The following RFX7 variants were observed in gnomAD, a reference collection of about 807,000 sequenced individuals.
RFX7 encodes the protein DNA-binding protein RFX7.
Under a neutral mutation model 111.8 loss-of-function variants are expected in RFX7, and 26 were observed. The observed-to-expected ratio is 0.23, with a 90% confidence interval of 0.17 to 0.32. The LOEUF (loss-of-function observed/expected upper bound fraction) is 0.32. Among genes scored for constraint, RFX7 ranks in the 10% least tolerant of loss-of-function variants. The pLI is 1.00. For missense variants in RFX7, 1,573 were observed against 1,772.9 expected (o/e 0.89, Z 2.02); for synonymous variants, 624 against 624.4 (o/e 1.00, Z 0.01).
intron 3 of RFX7, among the ~76,000 whole-genome samples, chr15:56,172,041 T>A (rs1017073050): frequency 2.0e-5 from 3 of 152,008 alleles, no homozygotes; most frequent in Non-Finnish European, 2.9e-5. Context: ...TAGTGTGACA[T>A]CTTAAGGAAT....
chr15:56,128,667 A>C (rs1455641421), intron 5 of RFX7, among the ~76,000 whole-genome samples: 1 of 152,052 alleles, frequency 6.6e-6, no homozygotes, highest in African/African-American at 2.4e-5. Context: ...GGGGGTGTCC[A>C]CTCTTACCAT....
chr15:56,104,427 G>C (rs770594078), intron 5 of RFX7, among the ~76,000 whole-genome samples: 14 of 152,196 alleles, frequency 9.2e-5, no homozygotes, highest in Non-Finnish European at 2.1e-4. Context: ...AGGCCTTTGG[G>C]AGAACCACTA....
At chr15:56,114,938 G>A (rs2140949619) in intron 5 of RFX7, among the ~76,000 whole-genome samples, 2 of 152,298 alleles carry the variant, frequency 1.3e-5, no homozygotes, top group South Asian at 4.1e-4. Flanking sequence ...CTTAATCACA[G>A]TAAAAAGTAA....
At position 56,093,595 on chromosome 15, in the gene RFX7, G is replaced by A; in HGVS notation, c.4133C>T (p.Ser1378Phe). 7.4e-6 allele frequency: 12 copies of A among 1,613,766 alleles called. No individual in the cohort carries two copies. The highest frequency in any genetic ancestry group is 9.3e-6 in the Non-Finnish European group (11 of 1,179,760). The change falls in exon 10 of 10, where the codon TCT (serine) becomes TTT (phenylalanine). Residue 1378 changes from serine to phenylalanine, a missense_variant. Transcript: ENST00000559447. ...CAACCTGATATCGCTAGAGAAATCA[G>A]ATGCAGTATTAGTGAGATCAGATGC... The part of the protein sequence containing the change: ...QGASDLTNTA[S>F]DFSSDIRLSS...
intron 3 of RFX7, among the ~76,000 whole-genome samples, chr15:56,158,254 T>C (rs545856633): frequency 4.6e-5 from 7 of 152,190 alleles, no homozygotes; most frequent in Non-Finnish European, 8.8e-5. Context: ...TCATTAGCTT[T>C]GTAATATTAG....
chr15:56,181,094 C>G (rs965623734), intron 2 of RFX7, among the ~76,000 whole-genome samples: 1 of 152,170 alleles, frequency 6.6e-6, no homozygotes, highest in African/African-American at 2.4e-5. Context: ...TCCTTTGCTC[C>G]AAAGTCTTTA....
At chr15:56,200,132 G>A (rs2043179838) in intron 2 of RFX7, among the ~76,000 whole-genome samples, 2 of 152,118 alleles carry the variant, frequency 1.3e-5, no homozygotes. Flanking sequence ...AAAGGTCAGT[G>A]CCCTCTAGTG....
At chr15:56,096,662 C>T (rs1412894821) in intron 9 of RFX7, 42 bp from the exon 10 acceptor site, 1 of 1,499,312 alleles carries the variant, frequency 6.7e-7, no homozygotes, top group Non-Finnish European at 8.9e-7. Context: ...CAGGTCTAGC[C>T]TGTAAATAGT....
rs368258249 is a variant in RFX7, at chr15:56,141,656, A to AATATATATATATATATATATATATATAT, written c.401+1121_401+1122insATATATATATATATATATATATATATAT. Among the ~76,000 whole-genome samples, 512 of 82,836 alleles carry AATATATATATATATATATATATATATAT rather than the reference A, an allele frequency of 6.2e-3. 33 individuals carry two copies. The highest frequency in any genetic ancestry group is 8.7e-3 in the African/African-American group (132 of 15,234). 54.3% of individuals were successfully genotyped at this position (82,836 alleles called of 152,430 possible). On this transcript the variant is annotated intron_variant, in intron 5 of 9. Coordinates refer to ENST00000559447, the MANE Select transcript of RFX7 (RefSeq NM_022841.7). Reference sequence around the variant, plus strand: ...TAATGAAGAATCTATGCTTACTCTAAATATATATATATATATATATGCATA... The same window carrying AATATATATATATATATATATATATATAT: ...TAATGAAGAATCTATGCTTACTCTAAATATATATATATATATATATATATATATATATATATATATATATATATGCATA...
At chr15:56,113,145 T>G (rs552382266) in intron 5 of RFX7, among the ~76,000 whole-genome samples, 33 of 152,332 alleles carry the variant, frequency 2.2e-4, no homozygotes, top group African/African-American at 7.5e-4. Flanking sequence ...AGCAATTCCA[T>G]TACTGGGTAT....
At chr15:56,106,548 AG>A (rs1229666982) in intron 5 of RFX7, among the ~76,000 whole-genome samples, 1 of 152,234 alleles carries the variant, frequency 6.6e-6, no homozygotes, top group Non-Finnish European at 1.5e-5. Context: ...GAAGTTGTAT[AG>A]TTCAACTTCC....
chr15:56,183,695 C>A (rs963294108), intron 2 of RFX7, among the ~76,000 whole-genome samples: 1 of 152,064 alleles, frequency 6.6e-6, no homozygotes, highest in Admixed American at 6.6e-5. Context: ...ATTCTTGGAC[C>A]TTTGTTTTTC....
At chr15:56,104,936 G>C (rs1192185765) in intron 5 of RFX7, among the ~76,000 whole-genome samples, 1 of 152,170 alleles carries the variant, frequency 6.6e-6, no homozygotes, top group African/African-American at 2.4e-5. Flanking sequence ...GACTAAATTT[G>C]ATACTTTGAG....
intron 3 of RFX7, among the ~76,000 whole-genome samples, chr15:56,173,352 C>CAA (rs1351287305): frequency 1.3e-5 from 2 of 152,138 alleles, no homozygotes; most frequent in Non-Finnish European, 2.9e-5. Context: ...AACTTCAATA[C>CAA]ACTTCAAAGG....
chr15:56,110,316 G>GT (rs1179910966), intron 5 of RFX7, among the ~76,000 whole-genome samples: 1 of 57,574 alleles, frequency 1.7e-5, no homozygotes, highest in Non-Finnish European at 4.4e-5. Context: ...CGGGAGGGAG[G>GT]TGGGGGGGGG....
chr15:56,240,408 A>T (rs1352958153), intron 2 of RFX7, among the ~76,000 whole-genome samples: 2 of 152,094 alleles, frequency 1.3e-5, no homozygotes, highest in African/African-American at 4.8e-5. Context: ...ATATATTTCC[A>T]ACTCTTTTCC....
intron 5 of RFX7, among the ~76,000 whole-genome samples, chr15:56,108,512 A>AG (rs1236562288): frequency 6.6e-6 from 1 of 152,250 alleles, no homozygotes. Context: ...CCTTTATGTT[A>AG]GAAACTCTCA....
chr15:56,098,056 G>A, intron 9 of RFX7, 25 bp downstream of exon 9: 1 of 1,605,678 alleles, frequency 6.2e-7, no homozygotes, highest in Non-Finnish European at 8.5e-7. Flanking sequence ...TCCCAATAAG[G>A]CCAAATACTA....
chr15:56,141,500 A>G (rs764517831), intron 5 of RFX7, among the ~76,000 whole-genome samples: 2 of 151,814 alleles, frequency 1.3e-5, no homozygotes, highest in Non-Finnish European at 2.9e-5. Flanking sequence ...TAATGGCAGA[A>G]TCTATTCTCT....
Sources: gnomAD v4.1 joint callset for allele counts (sites outside exome capture counted in the v4.1 genomes callset) on GRCh38, gnomAD v4.1.1 for gene constraint, MANE v1.5 for transcripts, NCBI Gene and HGNC (gene_info 2026-07-23, HGNC 2026-07-21) for gene names.